Variants in OXR1 observed in about 807,000 individuals in gnomAD.
OXR1 encodes the protein oxidation resistance 1.
OXR1 carries 41 observed loss-of-function variants against 104.6 expected under a neutral mutation model. The ratio of observed to expected loss-of-function variants is 0.39; its 90% CI spans 0.31 to 0.51. The LOEUF is 0.51. OXR1 is among the 20% of genes least tolerant of loss of function. The pLI is 0.77. For synonymous variants in OXR1, 348 were observed against 348.4 expected, an observed-to-expected ratio of 1.00 and a Z score of 0.01; for missense variants, 955 against 1,031.9, an observed-to-expected ratio of 0.93 and a Z score of 1.02.
At chr8:106,528,460 C>T (rs1308236602) in intron 3 of OXR1, among the ~76,000 whole-genome samples, 1 of 152,134 alleles carries the variant, frequency 6.6e-6, no homozygotes, top group Non-Finnish European at 1.5e-5. Flanking sequence ...ATCTTACTAA[C>T]CCCAGGCTGC....
chr8:106,577,788 A>G (rs112162749), intron 3 of OXR1, among the ~76,000 whole-genome samples: 3,579 of 152,192 alleles, frequency 0.024, 84 homozygotes, highest in Non-Finnish European at 0.031. Context: ...CCCTGCCAGT[A>G]GGGGGCTCCA....
intron 3 of OXR1, among the ~76,000 whole-genome samples, chr8:106,519,993 A>AG: frequency 6.6e-6 from 1 of 152,242 alleles, no homozygotes; most frequent in South Asian, 2.1e-4. Flanking sequence ...AATGGTGTGT[A>AG]GGGGAGACAA....
intron 1 of OXR1, among the ~76,000 whole-genome samples, chr8:106,280,420 A>C (rs1052332800): frequency 6.6e-6 from 1 of 152,106 alleles, no homozygotes; most frequent in African/African-American, 2.4e-5. Flanking sequence ...CCTTTCTCTT[A>C]GCTTCTAGTT....
chr8:106,712,613 A>T (rs1297840511), intron 10 of OXR1, among the ~76,000 whole-genome samples: 1 of 152,016 alleles, frequency 6.6e-6, no homozygotes, highest in Non-Finnish European at 1.5e-5. Context: ...GAAAATCTTT[A>T]TATGTTGCTT....
chr8:106,401,157 G>T (rs1200234306), intron 2 of OXR1, among the ~76,000 whole-genome samples: 1 of 152,028 alleles, frequency 6.6e-6, no homozygotes, highest in Non-Finnish European at 1.5e-5. Flanking sequence ...CACGCATCTG[G>T]CCATTTCTCC....
At chr8:106,632,806 G>A (rs1328201923) in intron 3 of OXR1, among the ~76,000 whole-genome samples, 1 of 152,180 alleles carries the variant, frequency 6.6e-6, no homozygotes, top group Non-Finnish European at 1.5e-5. Flanking sequence ...GGACATAGTG[G>A]TGCATGGCTG....
chr8:106,270,241 G>A lies in OXR1; in HGVS notation c.-265G>A, dbSNP rs1484028990. ...CTAGAGCTGGGCTGCGTCAGGCTGA[G>A]CCCATTCACCTCGCGGCCACAGGAG... On this transcript the variant is annotated 5_prime_UTR_variant, in exon 1 of 17. Coordinates refer to ENST00000517566, the MANE Select transcript of OXR1 (RefSeq NM_001198533.2). The A allele has an allele frequency of 6.6e-6, 1 of 152,032 alleles. No individual in the cohort carries two copies. Among genetic ancestry groups the A allele is most frequent in the Non-Finnish European group, 1.5e-5 (1 of 68,036 alleles). The allele number at this position is 152,032 out of a possible 1,614,324, so 9.4% of individuals were successfully genotyped here. A position where few individuals can be genotyped will look rare whatever the true frequency, so the allele number is the denominator to read the frequency against.
intron 3 of OXR1, among the ~76,000 whole-genome samples, chr8:106,583,893 T>C (rs373169959): frequency 3.9e-5 from 6 of 152,286 alleles, no homozygotes; most frequent in African/African-American, 1.4e-4. Context: ...CTGCCTCACT[T>C]CCAATCTGCT....
At chr8:106,610,885 C>T (rs1820765742) in intron 3 of OXR1, among the ~76,000 whole-genome samples, 1 of 152,236 alleles carries the variant, frequency 6.6e-6, no homozygotes, top group Non-Finnish European at 1.5e-5. Context: ...GTCCTTCCGT[C>T]AATAAGGTTT....
intron 3 of OXR1, among the ~76,000 whole-genome samples, chr8:106,555,725 A>C (rs550351875): frequency 6.6e-6 from 1 of 151,996 alleles, no homozygotes; most frequent in African/African-American, 2.4e-5. Context: ...AAATAAGTAT[A>C]AATGAATATG....
At chr8:106,420,937 A>G (rs1228419132) in intron 2 of OXR1, among the ~76,000 whole-genome samples, 1 of 152,106 alleles carries the variant, frequency 6.6e-6, no homozygotes, top group African/African-American at 2.4e-5. Context: ...AAGAAAATTA[A>G]CAAATGTAAG....
chr8:106,545,902 A>C (rs1031674046), intron 3 of OXR1, among the ~76,000 whole-genome samples: 9 of 151,824 alleles, frequency 5.9e-5, no homozygotes, highest in African/African-American at 2.2e-4. Context: ...AGGCTAAGGC[A>C]GGAGAATTGC....
chr8:106,345,569 A>G (rs1408387360), intron 1 of OXR1, among the ~76,000 whole-genome samples: 2 of 152,240 alleles, frequency 1.3e-5, no homozygotes, highest in Non-Finnish European at 2.9e-5. Flanking sequence ...ATCTCCATAT[A>G]GAATCATGCC....
At chr8:106,570,871 C>G (rs1334152128) in intron 3 of OXR1, among the ~76,000 whole-genome samples, 2 of 152,128 alleles carry the variant, frequency 1.3e-5, no homozygotes, top group Non-Finnish European at 2.9e-5. Context: ...GTTTTTCACT[C>G]TCAAACAAAA....
Position 106,742,232 on chromosome 8 carries a change from C to A in OXR1, c.2327C>A (p.Ala776Glu). The A allele has an allele frequency of 6.3e-7, 1 of 1,595,106 alleles. No homozygotes were observed. The highest frequency in any genetic ancestry group is 8.6e-7 in the Non-Finnish European group (1 of 1,163,812). Reference protein sequence around the residue: ...IKDSDGQVFGALASEPLKVSD... With the variant: ...IKDSDGQVFGELASEPLKVSD... The stretch of plus-strand genomic sequence containing the variant: ...CTTTTTTATCCTTAGGTTTTTGGTG[C>A]GTTAGCATCTGAGCCACTGAAAGTG... Residue 776 changes from alanine to glutamate, a missense_variant, in exon 15 of 17, where the codon GCG becomes GAG. Physicochemically the swap from Ala to Glu is moderately radical, Grantham distance 107. This residue lies in a region of OXR1 where 106 missense variants were observed against 179.0 expected (regional missense o/e 0.59). Transcript: ENST00000517566.
At chr8:106,541,081 T>C (rs1472348939) in intron 3 of OXR1, among the ~76,000 whole-genome samples, 1 of 152,240 alleles carries the variant, frequency 6.6e-6, no homozygotes, top group Non-Finnish European at 1.5e-5. Context: ...CCTCATTTTC[T>C]ACATCAGTAA....
At chr8:106,545,458 A>G (rs1815281632) in intron 3 of OXR1, among the ~76,000 whole-genome samples, 1 of 152,206 alleles carries the variant, frequency 6.6e-6, no homozygotes, top group Non-Finnish European at 1.5e-5. Context: ...ACTATAAAGA[A>G]CACAAGCAAA....
At chr8:106,528,756 C>T (rs1378467507) in intron 3 of OXR1, among the ~76,000 whole-genome samples, 1 of 152,164 alleles carries the variant, frequency 6.6e-6, no homozygotes, top group Non-Finnish European at 1.5e-5. Context: ...GCACATTCTG[C>T]AGTGTGAAAC....
intron 14 of OXR1, 58 bp downstream of exon 14, chr8:106,740,553 T>G (rs1587306057): frequency 1.5e-6 from 2 of 1,365,076 alleles, no homozygotes; most frequent in African/African-American, 2.9e-5. Context: ...CAGTAACTTT[T>G]AGCATATTTA....
Sources: gnomAD v4.1 joint callset for allele counts (sites outside exome capture counted in the v4.1 genomes callset) on GRCh38, gnomAD v4.1.1 for gene constraint, gnomAD v4.1.1 regional missense constraint, MANE v1.5 for transcripts, NCBI Gene and HGNC (gene_info 2026-07-23, HGNC 2026-07-21) for gene names.